Variants in COL4A1 observed in about 807,000 individuals in gnomAD.
The protein encoded by COL4A1 is collagen alpha-1(IV) chain.
COL4A1 carries 40 observed loss-of-function variants against 216.6 expected under a neutral mutation model. The ratio of observed to expected loss-of-function variants is 0.18; its 90% CI spans 0.14 to 0.24. COL4A1 has a LOEUF of 0.24. COL4A1 is among the 10% of genes least tolerant of loss of function. The pLI is 1.00. For synonymous variants in COL4A1, 839 were observed against 810.7 expected, an observed-to-expected ratio of 1.03 and a Z score of -0.59; for missense variants, 1,628 against 2,196.8, an observed-to-expected ratio of 0.74 and a Z score of 5.18.
intron 29 of COL4A1, among the ~76,000 whole-genome samples, chr13:110,180,880 C>T (rs1878120184): frequency 6.6e-6 from 1 of 152,100 alleles, no homozygotes; most frequent in African/African-American, 2.4e-5. Context: ...AGGGTGGCCC[C>T]CCACAGAAAA....
rs985913759 is a variant in COL4A1, at chr13:110,207,107, C to T, written c.781-216G>A. Among the ~76,000 whole-genome samples, 9 of 152,224 alleles carry T rather than the reference C, an allele frequency of 5.9e-5. No individual in the cohort carries two copies. Among genetic ancestry groups the T allele is most frequent in the African/African-American group, 2.2e-4 (9 of 41,542 alleles). Reference sequence around the variant, plus strand: ...ACCCATGATGACTGGCCCTGCCCCCCTCCTGCCCCCCAGCCCAGCTCCCTC... The same window carrying T: ...ACCCATGATGACTGGCCCTGCCCCCTTCCTGCCCCCCAGCCCAGCTCCCTC... On this transcript the variant is annotated intron_variant, in intron 13 of 51. Transcript: ENST00000375820. The surrounding 1 kb of genome is among the most constrained non-coding windows in gnomAD (Gnocchi z 4.4).
At chr13:110,283,521 C>G (rs1014359457) in intron 1 of COL4A1, among the ~76,000 whole-genome samples, 1 of 152,242 alleles carries the variant, frequency 6.6e-6, no homozygotes, top group African/African-American at 2.4e-5. Context: ...CGCACACACA[C>G]GCACATGTGC....
At chr13:110,203,057 A>G (rs1480521969) in intron 18 of COL4A1, among the ~76,000 whole-genome samples, 1 of 152,164 alleles carries the variant, frequency 6.6e-6, no homozygotes, top group African/African-American at 2.4e-5. Flanking sequence ...TACTAAAAAT[A>G]CAAAAATTAG....
rs190583971 is a variant in COL4A1, at chr13:110,298,145, A to T, written c.84+8799T>A. ...AGAAGTATGAATTATAGAATTTTTT[A>T]AAAAAAGTTTTAAAAGCCTAAATTC... On this transcript the variant is annotated intron_variant, in intron 1 of 51. Transcript: ENST00000375820. Among the ~76,000 whole-genome samples, 339 of 152,300 alleles carry T rather than the reference A, an allele frequency of 2.2e-3. 2 individuals carry two copies. Among genetic ancestry groups the T allele is most frequent in the African/African-American group, 6.8e-3 (283 of 41,572 alleles).
intron 8 of COL4A1, among the ~76,000 whole-genome samples, chr13:110,210,905 C>A (rs1007963446): frequency 7.3e-5 from 11 of 150,606 alleles, no homozygotes; most frequent in African/African-American, 2.2e-4. Context: ...GGCCTGCCCA[C>A]CTCACTCTGC....
At chr13:110,191,603 C>T (rs1878629913) in intron 24 of COL4A1, 1 of 674,214 alleles carries the variant, frequency 1.5e-6, no homozygotes, top group Non-Finnish European at 2.7e-6. Context: ...TGAAAGGTTT[C>T]ATGTCAATGT....
intron 20 of COL4A1, among the ~76,000 whole-genome samples, chr13:110,199,208 G>A (rs1352039370): frequency 2.0e-5 from 3 of 152,262 alleles, no homozygotes; most frequent in Non-Finnish European, 2.9e-5. Context: ...GCTTGAGAGA[G>A]TGGTGGTGCA....
chr13:110,168,942 A>G (rs1027405549), intron 43 of COL4A1, among the ~76,000 whole-genome samples: 1 of 152,200 alleles, frequency 6.6e-6, no homozygotes, highest in Non-Finnish European at 1.5e-5. Flanking sequence ...CGTAAACACA[A>G]TCCTTTAGCC....
chr13:110,177,134 A>C, intron 33 of COL4A1, 97 bp from the exon 34 acceptor site: 1 of 1,570,964 alleles, frequency 6.4e-7, no homozygotes, highest in African/African-American at 1.3e-5. Context: ...CAGCTGGCAA[A>C]AAGGCTACAA....
intron 49 of COL4A1, 105 bp from the exon 50 acceptor site, chr13:110,155,502 T>C (rs1594530383): frequency 1.3e-6 from 1 of 762,432 alleles, no homozygotes; most frequent in Admixed American, 2.0e-5. Context: ...TCAGTCTTTC[T>C]GGTCCAATTA....
At chr13:110,181,556 C>A (rs146787452) in intron 28 of COL4A1, among the ~76,000 whole-genome samples, 167 bp from the exon 29 acceptor site, 1 of 152,258 alleles carries the variant, frequency 6.6e-6, no homozygotes, top group East Asian at 1.9e-4. Flanking sequence ...GGAGACTGCC[C>A]GGCAGAGGGG....
chr13:110,225,752 G>A (rs1237319916), intron 2 of COL4A1, among the ~76,000 whole-genome samples: 5 of 152,148 alleles, frequency 3.3e-5, no homozygotes, highest in East Asian at 1.9e-4. Flanking sequence ...AGCTCCGGGC[G>A]CCCTGCTTTT....
chr13:110,296,948 T>C (rs144779621), intron 1 of COL4A1, among the ~76,000 whole-genome samples: 1 of 152,198 alleles, frequency 6.6e-6, no homozygotes, highest in East Asian at 1.9e-4. Flanking sequence ...GAGCAAGGTG[T>C]AGGGGAAGGG....
chr13:110,276,142 G>T (rs1883419442), intron 1 of COL4A1, among the ~76,000 whole-genome samples: 1 of 152,046 alleles, frequency 6.6e-6, no homozygotes, highest in African/African-American at 2.4e-5. Flanking sequence ...GATCATGGGA[G>T]AGGCCATGCG....
At position 110,152,487 on chromosome 13, in the gene COL4A1, T is replaced by C. The variant is rs1353437834; in HGVS notation, c.4775A>G (p.Glu1592Gly). Reference protein sequence around the residue: ...SFVMHTSAGAEGSGQALASPG... With the variant: ...SFVMHTSAGAGGSGQALASPG... ...GGACGCCAGGGCTTGGCCAGAGCCT[T>C]CTGCACCAGCGCTGGTGTGCTGCAG... The change falls in exon 51 of 52, where the codon GAA (glutamate) becomes GGA (glycine). Residue 1592 changes from glutamate (E) to glycine (G), a missense_variant. This residue lies in a region of COL4A1 where 254 missense variants were observed against 300.1 expected (regional missense o/e 0.85). Transcript: ENST00000375820. 2.5e-6 allele frequency: 4 copies of C among 1,612,914 alleles called. 1 individual carries two copies. The highest frequency in any genetic ancestry group is 1.7e-5 in the Admixed American group (1 of 59,974).
At chr13:110,236,076 A>G (rs890265779) in intron 2 of COL4A1, among the ~76,000 whole-genome samples, 1 of 152,202 alleles carries the variant, frequency 6.6e-6, no homozygotes, top group Admixed American at 6.5e-5. Flanking sequence ...CCATACCTTA[A>G]AGGTAATGTT....
At chr13:110,260,512 C>T (rs535100600) in intron 1 of COL4A1, among the ~76,000 whole-genome samples, 4 of 152,212 alleles carry the variant, frequency 2.6e-5, no homozygotes, top group Non-Finnish European at 5.9e-5. Flanking sequence ...CTAGTAGTCA[C>T]AGCCAACTAA....
intron 31 of COL4A1, 95 bp downstream of exon 31, chr13:110,178,828 G>A (rs1878008839): frequency 1.1e-6 from 1 of 903,222 alleles, no homozygotes; most frequent in African/African-American, 1.7e-5. Flanking sequence ...CATACATTGT[G>A]CTAAGCTTCA....
At chr13:110,208,941 A>G in intron 11 of COL4A1, 51 bp from the exon 12 acceptor site, 1 of 1,562,926 alleles carries the variant, frequency 6.4e-7, no homozygotes, top group East Asian at 2.2e-5. Context: ...ACTTCGTTCA[A>G]AGTCATTCTA....
Sources: allele counts gnomAD v4.1 joint callset (sites outside exome capture counted in the v4.1 genomes callset), GRCh38; gene constraint gnomAD v4.1.1; regional missense constraint gnomAD v4.1.1; non-coding constraint Gnocchi (gnomAD v3.1); transcripts MANE v1.5; gene names NCBI Gene and HGNC (gene_info 2026-07-23, HGNC 2026-07-21).